RXFP2: variants seen among roughly 807,000 people sequenced by gnomAD.
RXFP2 encodes relaxin family peptide receptor 2.
In RXFP2, 68 loss-of-function variants were observed where a neutral mutation model predicts 88.6. That is an observed-to-expected ratio of 0.77 (90% confidence interval 0.63 to 0.94). The LOEUF is 0.94. Among genes scored for constraint, RXFP2 ranks in the 40% least tolerant of loss-of-function variants. The pLI is 0.00. For missense variants in RXFP2, 791 were observed against 893.9 expected (o/e 0.88, Z 1.47); for synonymous variants, 329 against 306.8 (o/e 1.07, Z -0.76).
chr13:31,763,077 G>T (rs1872373226), intron 3 of RXFP2, among the ~76,000 whole-genome samples: 1 of 124,594 alleles, frequency 8.0e-6, no homozygotes, highest in African/African-American at 2.9e-5. Context: ...ACAGTGTCTG[G>T]AGACTTTTTT....
chr13:31,795,271 T>C (rs1873975787), intron 16 of RXFP2, among the ~76,000 whole-genome samples: 2 of 152,040 alleles, frequency 1.3e-5, no homozygotes, highest in South Asian at 4.2e-4. Flanking sequence ...CGCCTCAGAC[T>C]CCCAAGTAGC....
intron 13 of RXFP2, among the ~76,000 whole-genome samples, chr13:31,788,028 A>T (rs1457915500): frequency 6.6e-6 from 1 of 152,096 alleles, no homozygotes; most frequent in Non-Finnish European, 1.5e-5. Flanking sequence ...TTGTTTTAGC[A>T]CTTGGGATAC....
rs1036314921 is a variant in RXFP2, at chr13:31,802,633, C to T, written c.*228C>T. 1.8e-6 allele frequency: 1 copy of T among 550,078 alleles called. No individual in the cohort carries two copies. Among genetic ancestry groups the T allele is most frequent in the Non-Finnish European group, 3.3e-6 (1 of 305,454 alleles). 34.1% of individuals were successfully genotyped at this position (550,078 alleles called of 1,614,324 possible). A position where few individuals can be genotyped will look rare whatever the true frequency, so the allele number is the denominator to read the frequency against. ...CTCCTCACCCCACATGCCTGAAAAG[C>T]ACATGTGAATTCGTGTATAGTGGGC... On this transcript the variant is annotated 3_prime_UTR_variant, in exon 18 of 18. Coordinates refer to ENST00000298386, the MANE Select transcript of RXFP2 (RefSeq NM_130806.5).
chr13:31,765,891 C>T (rs1872528242), intron 4 of RXFP2, 65 bp from the exon 5 acceptor site: 4 of 776,968 alleles, frequency 5.1e-6, no homozygotes, highest in Middle Eastern at 2.3e-4. Context: ...AAGCATGTGG[C>T]TTCTAGGGAA....
At chr13:31,779,363 T>A (rs1432360752) in intron 9 of RXFP2, among the ~76,000 whole-genome samples, 2 of 152,086 alleles carry the variant, frequency 1.3e-5, no homozygotes, top group Non-Finnish European at 2.9e-5. Context: ...TGACCTCAGG[T>A]GATCCACCCT....
intron 1 of RXFP2, among the ~76,000 whole-genome samples, chr13:31,748,836 G>GA (rs1871538740): frequency 6.6e-6 from 1 of 151,986 alleles, no homozygotes. Context: ...ATACAAAAAA[G>GA]AAAAAGAAAA....
rs1377306335 is a variant in RXFP2, at chr13:31,797,355, T to C, written c.1941T>C (p.Asp647=). ...GTTTCTTTTTTATAGTGTTCTCTGA[T>C]GCCATCTGCTGGATTCCTGTATTTG... is the stretch of plus-strand genomic sequence containing the variant. ...ANRFFFIVFS[D]AICWIPVFVV... Residue 647 remains aspartate (D), a synonymous_variant, in exon 17 of 18, where the codon GAT becomes GAC. Transcript: ENST00000298386. The C allele has an allele frequency of 1.2e-6, 2 of 1,614,192 alleles. No individual in the cohort carries two copies. The highest frequency in any genetic ancestry group is 2.2e-5 in the South Asian group (2 of 91,088).
In RXFP2 at chr13:31,791,827, C is replaced by T. The variant is rs747492042; in HGVS notation, c.1167C>T (p.Tyr389=). 1 of 1,614,006 alleles carries T rather than the reference C, an allele frequency of 6.2e-7. No individual in the cohort carries two copies. Among genetic ancestry groups the T allele is most frequent in the Non-Finnish European group, 8.5e-7 (1 of 1,179,902 alleles). ...TTAGTTATTTCAAAAACTTTCGATA[C>T]TGCTCCTATGCTCCCCATGTCCGAA... ...LSHIYFKNFR[Y]CSYAPHVRIC... is the part of the protein sequence containing the mutation. The change falls in exon 15 of 18, where the codon TAC becomes TAT. Residue 389 remains tyrosine (Y), a synonymous_variant. Transcript: ENST00000298386.
At chr13:31,751,411 A>C (rs1032358013) in intron 1 of RXFP2, among the ~76,000 whole-genome samples, 3 of 152,218 alleles carry the variant, frequency 2.0e-5, no homozygotes, top group African/African-American at 7.2e-5. Flanking sequence ...AGGCTTTACT[A>C]TAGGAAAGAC....
intron 8 of RXFP2, among the ~76,000 whole-genome samples, chr13:31,778,134 A>T (rs979621878): frequency 2.0e-5 from 3 of 152,192 alleles, no homozygotes; most frequent in African/African-American, 7.2e-5. Context: ...ATTATAAATG[A>T]TTAATGATGC....
chr13:31,785,130 C>T (rs1281611363), intron 11 of RXFP2, among the ~76,000 whole-genome samples: 1 of 152,158 alleles, frequency 6.6e-6, no homozygotes, highest in Non-Finnish European at 1.5e-5. Context: ...TGTTACCAGG[C>T]TCCCTCCCAG....
At chr13:31,772,890 A>C (rs145780489) in intron 5 of RXFP2, among the ~76,000 whole-genome samples, 7 of 152,254 alleles carry the variant, frequency 4.6e-5, no homozygotes, top group African/African-American at 1.7e-4. Flanking sequence ...TCATCTCTTC[A>C]AGATGTGACA....
In RXFP2 at chr13:31,802,736, CA is replaced by C. The variant is rs1450835147; in HGVS notation, c.*332del. 2.6e-5 allele frequency: 9 copies of C among 350,274 alleles called. No individual in the cohort carries two copies. Among genetic ancestry groups the C allele is most frequent in the African/African-American group, 1.9e-4 (9 of 47,752 alleles). The allele number at this position is 350,274 out of a possible 1,614,324, so 21.7% of individuals were successfully genotyped here. On this transcript the variant is annotated 3_prime_UTR_variant, in exon 18 of 18. Coordinates refer to ENST00000298386, the MANE Select transcript of RXFP2 (RefSeq NM_130806.5). ...CAGGTTGGCACTGTGTGGTCTTTCA[CA>C]TCGGGTTGCACTGTCCATGAAATAG...
intron 1 of RXFP2, among the ~76,000 whole-genome samples, chr13:31,757,261 G>A (rs1363123350): frequency 6.6e-6 from 1 of 152,148 alleles, no homozygotes; most frequent in Non-Finnish European, 1.5e-5. Flanking sequence ...AATGGCTAAG[G>A]GTGGGCCTAT....
At chr13:31,792,169 T>C in intron 15 of RXFP2, 134 bp downstream of exon 15, 1 of 706,206 alleles carries the variant, frequency 1.4e-6, no homozygotes. Context: ...TTTTTTTTTC[T>C]AAATATAAAA....
At chr13:31,754,181 C>T (rs979488898) in intron 1 of RXFP2, among the ~76,000 whole-genome samples, 1 of 152,182 alleles carries the variant, frequency 6.6e-6, no homozygotes, top group Non-Finnish European at 1.5e-5. Flanking sequence ...TTTGCCTCTG[C>T]CGCCTAGACG....
intron 1 of RXFP2, among the ~76,000 whole-genome samples, chr13:31,750,544 G>A (rs1180783043): frequency 6.6e-6 from 1 of 152,132 alleles, no homozygotes; most frequent in Non-Finnish European, 1.5e-5. Flanking sequence ...AGAAACCTCT[G>A]ATCTAACGCA....
At chr13:31,742,863 A>G (rs547695978) in intron 1 of RXFP2, among the ~76,000 whole-genome samples, 26 of 148,184 alleles carry the variant, frequency 1.8e-4, no homozygotes, top group African/African-American at 4.3e-4. Flanking sequence ...TTAGCAGTAC[A>G]TATCTATTTA....
At position 31,792,810 on chromosome 13, in the gene RXFP2, T is replaced by C. The variant is rs374207939; in HGVS notation, c.1508T>C (p.Met503Thr). The C allele has an allele frequency of 6.2e-7, 1 of 1,614,192 alleles. No homozygotes were observed. Among genetic ancestry groups the C allele is most frequent in the South Asian group, 1.1e-5 (1 of 91,086 alleles). The change falls in exon 16 of 18, where the codon ATG becomes ACG. Residue 503 changes from methionine (M) to threonine (T), a missense_variant. Transcript: ENST00000298386. ...TGCCGCCTCATGGGGTTCCTGGCCA[T>C]GCTGTCCACCGAAGTCTCTGTTCTG... ...VQCRLMGFLA[M>T]LSTEVSVLLL...
Sources: gnomAD v4.1 joint callset for allele counts (sites outside exome capture counted in the v4.1 genomes callset) on GRCh38, gnomAD v4.1.1 for gene constraint, MANE v1.5 for transcripts, NCBI Gene and HGNC (gene_info 2026-07-23, HGNC 2026-07-21) for gene names.